Variants in CTRC observed in about 807,000 individuals in gnomAD.
CTRC encodes the protein chymotrypsin C, also known as chymotrypsin-C.
In CTRC, 32 loss-of-function variants were observed where a neutral mutation model predicts 35.7. The observed-to-expected ratio is 0.90, with a 90% CI of 0.68 to 1.20. CTRC has a LOEUF of 1.20. Among genes scored for constraint, CTRC ranks in the 50% most tolerant of loss-of-function variants. The pLI, the probability that CTRC is intolerant of heterozygous loss-of-function variation, is 0.00. For synonymous variants in CTRC, 119 were observed against 149.5 expected (o/e 0.80, Z 1.49); for missense variants, 324 against 361.5 (o/e 0.90, Z 0.84).
chr1:15,444,912 G>T (rs1340194149), intron 6 of CTRC, among the ~76,000 whole-genome samples, 161 bp downstream of exon 6: 1 of 152,164 alleles, frequency 6.6e-6, no homozygotes, highest in Non-Finnish European at 1.5e-5. Context: ...CCATCACTGT[G>T]GTGAGAGCAT....
At chr1:15,446,003 TATTC>T (rs55945515) in intron 7 of CTRC, among the ~76,000 whole-genome samples, 2 of 151,566 alleles carry the variant, frequency 1.3e-5, no homozygotes, top group Non-Finnish European at 2.9e-5. Flanking sequence ...CTCATTCATG[TATTC>T]ATTCATTCAT....
chr1:15,438,759 C>T (rs552472301), intron 1 of CTRC, among the ~76,000 whole-genome samples: 1 of 152,164 alleles, frequency 6.6e-6, no homozygotes, highest in African/African-American at 2.4e-5. Flanking sequence ...GAAAGCACCA[C>T]GCAAGGGGGA....
chr1:15,440,985 G>C (rs1225799941), intron 3 of CTRC, among the ~76,000 whole-genome samples: 1 of 152,152 alleles, frequency 6.6e-6, no homozygotes, highest in Non-Finnish European at 1.5e-5. Flanking sequence ...TTCGAGACCA[G>C]CCTGGTCAAC....
chr1:15,440,238 A>ACCCCC, intron 1 of CTRC, 62 bp from the exon 2 acceptor site: 4 of 313,692 alleles, frequency 1.3e-5, no homozygotes, highest in Non-Finnish European at 1.3e-5. Context: ...CCACCCTCCC[A>ACCCCC]CCCCTTTCCC....
chr1:15,440,115 A>G (rs993306946), intron 1 of CTRC, among the ~76,000 whole-genome samples, 185 bp from the exon 2 acceptor site: 2 of 152,142 alleles, frequency 1.3e-5, no homozygotes, highest in Non-Finnish European at 1.5e-5. Context: ...GATTCTTCAC[A>G]TTTCACAGAA....
intron 1 of CTRC, among the ~76,000 whole-genome samples, chr1:15,438,723 G>C (rs1305267120): frequency 6.6e-6 from 1 of 152,174 alleles, no homozygotes; most frequent in Non-Finnish European, 1.5e-5. Flanking sequence ...ATGATCTGAC[G>C]TGTCCCCAGT....
Position 15,440,484 on chromosome 1 carries a change from C to T in CTRC, c.133-9C>T. 6.2e-7 allele frequency: 1 copy of T among 1,614,038 alleles called. No individual in the cohort carries two copies. The highest frequency in any genetic ancestry group is 1.3e-5 in the African/African-American group (1 of 75,064). On this transcript the variant is annotated splice_polypyrimidine_tract_variant and intron_variant, in intron 2 of 7. Transcript: ENST00000375949. ...AGGCTGACACACAGCCCTCCCCACC[C>T]TCCTGCAGATCTCCCTCCAGTACCT...
chr1:15,444,860 C>T, intron 6 of CTRC, 109 bp downstream of exon 6: 2 of 1,457,058 alleles, frequency 1.4e-6, no homozygotes, highest in East Asian at 2.3e-5. Context: ...ACTGAGCGAG[C>T]CCTGGCTGGG....
Position 15,443,606 on chromosome 1 carries a change from C to A in CTRC, c.493+51C>A, listed in dbSNP as rs10803384. 0.22 allele frequency: 352,807 copies of A among 1,612,300 alleles called. 40,048 individuals are homozygous for A. The highest frequency in any genetic ancestry group is 0.23 in the Non-Finnish European group (273,662 of 1,178,780). ...GAGAGCCTTCCTGAAGGAAGCAGGA[C>A]GTCACCCACATTTGTCCACCACTTT... On this transcript the variant is annotated intron_variant, in intron 5 of 7. Transcript: ENST00000375949.
chr1:15,442,361 C>A, intron 3 of CTRC, 86 bp from the exon 4 acceptor site: 1 of 1,504,818 alleles, frequency 6.6e-7, no homozygotes, highest in Non-Finnish European at 9.0e-7. Context: ...CAAAATGAGT[C>A]CCACTAAAGC....
At chr1:15,445,531 G>T in intron 6 of CTRC, 66 bp from the exon 7 acceptor site, 1 of 1,568,554 alleles carries the variant, frequency 6.4e-7, no homozygotes, top group Admixed American at 1.7e-5. Context: ...CCCCAACCCA[G>T]TCCTGCTTCC....
At chr1:15,444,575 C>A in intron 5 of CTRC, 31 bp from the exon 6 acceptor site, 2 of 1,613,734 alleles carry the variant, frequency 1.2e-6, no homozygotes, top group Non-Finnish European at 1.7e-6. Context: ...TTCCCGGCTG[C>A]CTCCCTGGTC....
intron 7 of CTRC, among the ~76,000 whole-genome samples, 194 bp downstream of exon 7, chr1:15,445,943 TATTC>T (rs971755141): frequency 2.9e-5 from 4 of 138,250 alleles, no homozygotes; most frequent in Non-Finnish European, 6.1e-5. Context: ...TTTATTCATT[TATTC>T]ATTCACTCAT....
At chr1:15,441,796 C>G (rs532643094) in intron 3 of CTRC, among the ~76,000 whole-genome samples, 1 of 151,840 alleles carries the variant, frequency 6.6e-6, no homozygotes, top group South Asian at 2.1e-4. Context: ...ACCTTAGCCT[C>G]CCGAGTAGCT....
chr1:15,443,656 G>C, intron 5 of CTRC, 101 bp downstream of exon 5: 1 of 1,433,294 alleles, frequency 7.0e-7, no homozygotes, highest in Non-Finnish European at 9.8e-7. Flanking sequence ...ACATTTTCAT[G>C]TCTTTGTAAA....
At position 15,442,303 on chromosome 1, in the gene CTRC, G is replaced by A. The variant is rs1708145729; in HGVS notation, c.231-144G>A. On this transcript the variant is annotated intron_variant, in intron 3 of 7. Coordinates refer to ENST00000375949, the MANE Select transcript of CTRC (RefSeq NM_007272.3). ...CAAGTCCCTTGACCCCAAGTCCCAG[G>A]CCCTTCCCCTCACCCTGGGAAAGGA... 3.7e-6 allele frequency: 4 copies of A among 1,074,494 alleles called. No individual in the cohort carries two copies. The South Asian group carries it at 4.2e-5, about 11-fold the overall frequency. 66.6% of individuals were successfully genotyped at this position (1,074,494 alleles called of 1,614,324 possible).
chr1:15,439,923 G>A (rs971836625), intron 1 of CTRC, among the ~76,000 whole-genome samples: 4 of 152,112 alleles, frequency 2.6e-5, no homozygotes, highest in African/African-American at 9.7e-5. Flanking sequence ...TGTATTTTTA[G>A]TAGAGACAGG....
intron 4 of CTRC, among the ~76,000 whole-genome samples, chr1:15,442,914 C>T (rs1708157593): frequency 6.6e-6 from 1 of 152,146 alleles, no homozygotes; most frequent in Non-Finnish European, 1.5e-5. Flanking sequence ...ATCCTCACAA[C>T]AGCCCTGGAC....
chr1:15,445,554 T>G, intron 6 of CTRC, 43 bp from the exon 7 acceptor site: 2 of 1,546,552 alleles, frequency 1.3e-6, no homozygotes, highest in Non-Finnish European at 1.8e-6. Context: ...AGACTTCCTC[T>G]GGGGGGGGGC....
Sources: gnomAD v4.1 joint callset for allele counts (sites outside exome capture counted in the v4.1 genomes callset) on GRCh38, gnomAD v4.1.1 for gene constraint, MANE v1.5 for transcripts, NCBI Gene and HGNC (gene_info 2026-07-23, HGNC 2026-07-21) for gene names.